SHROOM3: variants seen among roughly 807,000 people sequenced by gnomAD.
SHROOM3 encodes the protein shroom family member 3.
SHROOM3 carries 47 observed loss-of-function variants against 138.6 expected under a neutral mutation model. That is an observed-to-expected ratio of 0.34 (90% CI 0.27 to 0.43). SHROOM3 has a LOEUF of 0.43. Ranked by LOEUF, SHROOM3 falls within the 20% of genes least tolerant of loss-of-function variation. SHROOM3 has a pLI of 1.00. For synonymous variants in SHROOM3, 1,062 were observed against 1,063.3 expected, an observed-to-expected ratio of 1.00 and a Z score of 0.02; for missense variants, 2,491 against 2,596.5, an observed-to-expected ratio of 0.96 and a Z score of 0.88.
At chr4:76,517,530 T>C (rs1732468104) in intron 1 of SHROOM3, among the ~76,000 whole-genome samples, 1 of 152,092 alleles carries the variant, frequency 6.6e-6, no homozygotes, top group Non-Finnish European at 1.5e-5. Flanking sequence ...ATGTGCTAGA[T>C]AGGTAAGATT....
intron 2 of SHROOM3, among the ~76,000 whole-genome samples, chr4:76,693,378 T>TTTTTTTTTTTG (rs1719620669): frequency 1.5e-5 from 2 of 132,150 alleles, no homozygotes; most frequent in Non-Finnish European, 3.1e-5. Context: ...TTGTTTTTTT[T>TTTTTTTTTTTG]TTTTTTTTTT....
At chr4:76,512,044 C>A (rs1194217016) in intron 1 of SHROOM3, among the ~76,000 whole-genome samples, 1 of 152,118 alleles carries the variant, frequency 6.6e-6, no homozygotes, top group Non-Finnish European at 1.5e-5. Flanking sequence ...GGCCTGAGGC[C>A]TAAATAGAAA....
chr4:76,518,190 C>T (rs1732482194), intron 1 of SHROOM3, among the ~76,000 whole-genome samples: 1 of 152,020 alleles, frequency 6.6e-6, no homozygotes, highest in South Asian at 2.1e-4. Context: ...ATCAAATTAT[C>T]TCAACTTCTG....
At chr4:76,500,608 C>T (rs35220012) in intron 1 of SHROOM3, among the ~76,000 whole-genome samples, 27,312 of 151,908 alleles carry the variant, frequency 0.18, 2,872 homozygotes, top group African/African-American at 0.28. Context: ...CCCCCTTTTG[C>T]CAACTCTTGG....
At chr4:76,561,825 C>T (rs1255043901) in intron 2 of SHROOM3, among the ~76,000 whole-genome samples, 3 of 151,944 alleles carry the variant, frequency 2.0e-5, no homozygotes, top group East Asian at 3.9e-4. Context: ...GCCTGGCTAA[C>T]ATGGTGAAAC....
At chr4:76,499,940 A>G (rs1732055241) in intron 1 of SHROOM3, among the ~76,000 whole-genome samples, 1 of 152,156 alleles carries the variant, frequency 6.6e-6, no homozygotes, top group Non-Finnish European at 1.5e-5. Context: ...TACGGAATTC[A>G]CTCATGTATT....
intron 2 of SHROOM3, among the ~76,000 whole-genome samples, chr4:76,593,468 A>T (rs1734317918): frequency 6.6e-6 from 1 of 152,216 alleles, no homozygotes; most frequent in African/African-American, 2.4e-5. Context: ...AAGAATGATA[A>T]AACCACCCAC....
At position 76,754,631 on chromosome 4, in the gene SHROOM3, C is replaced by G; in HGVS notation, c.4148C>G (p.Pro1383Arg). 1 of 1,614,204 alleles carries G rather than the reference C, an allele frequency of 6.2e-7. No homozygotes were observed. The change falls in exon 7 of 11, where the codon CCT becomes CGT. Residue 1383 changes from proline to arginine, a missense_variant. Physicochemically the swap from Pro to Arg is moderately radical, Grantham distance 103. Coordinates refer to ENST00000296043, the MANE Select transcript of SHROOM3 (RefSeq NM_020859.4). ...TGRQPLPPYT[P>R]AMMHRSNGHT... ...CGACAGCCTCTCCCGCCCTACACCC[C>G]TGCCATGATGCACAGAAGCAATGGT...
chr4:76,592,248 C>T lies in SHROOM3; in HGVS notation c.323+36485C>T, dbSNP rs62300918. Among the ~76,000 whole-genome samples, 1,428 of 152,006 alleles carry T rather than the reference C, an allele frequency of 9.4e-3. 7 individuals are homozygous for T. The highest frequency in any genetic ancestry group is 0.015 in the Non-Finnish European group (1,022 of 67,932). On this transcript the variant is annotated intron_variant, in intron 2 of 10. Coordinates refer to ENST00000296043, the MANE Select transcript of SHROOM3 (RefSeq NM_020859.4). ...CCAGTGTGGGTGGAGCAGAATGTGG[C>T]GGGGCAGAGAGACAGTGGGTCACTG...
At chr4:76,523,627 G>T (rs1387708876) in intron 1 of SHROOM3, among the ~76,000 whole-genome samples, 2 of 152,224 alleles carry the variant, frequency 1.3e-5, no homozygotes, top group Non-Finnish European at 2.9e-5. Context: ...TTCAGGCTAT[G>T]TCGAAGTTAT....
intron 2 of SHROOM3, among the ~76,000 whole-genome samples, chr4:76,569,056 T>C (rs1028478707): frequency 6.6e-6 from 1 of 152,212 alleles, no homozygotes; most frequent in African/African-American, 2.4e-5. Context: ...CAACCATAGT[T>C]ATTGAGCAGG....
rs560783618 is a variant in SHROOM3 at position 76,763,567 on chromosome 4, A to G, written c.5349+3872A>G. ...GTGACAGAGTGAGACCCTGTCTCAA[A>G]AAAGAAAAAAAAATTACCAAATTTA... is the stretch of plus-strand genomic sequence containing the variant. On this transcript the variant is annotated intron_variant, in intron 9 of 10. Coordinates refer to ENST00000296043, the MANE Select transcript of SHROOM3 (RefSeq NM_020859.4). Among the ~76,000 whole-genome samples the G allele has an allele frequency of 9.2e-5, 14 of 152,200 alleles. No individual in the cohort carries two copies. In the South Asian group the frequency reaches 2.9e-3, roughly 32 times the overall value.
chr4:76,739,349 C>T lies in SHROOM3; in HGVS notation c.1176C>T (p.Tyr392=), dbSNP rs761601802. 1.9e-5 allele frequency: 30 copies of T among 1,613,986 alleles called. No individual in the cohort carries two copies. The East Asian group carries it at 3.3e-4, about 18-fold the overall frequency. Residue 392 remains tyrosine (Y), a synonymous_variant, in exon 5 of 11, where the codon TAC becomes TAT. Transcript: ENST00000296043. Reference sequence around the variant, plus strand: ...TGCCTCCAGCTCGGAGTGACAGTTACGCAGCATTTCGGCACCGTGAGCGGC... The same window carrying T: ...TGCCTCCAGCTCGGAGTGACAGTTATGCAGCATTTCGGCACCGTGAGCGGC... ...APLPPARSDS[Y]AAFRHRERPS...
chr4:76,773,377 A>G (rs1325520119), intron 10 of SHROOM3, among the ~76,000 whole-genome samples: 2 of 151,766 alleles, frequency 1.3e-5, no homozygotes, highest in African/African-American at 4.8e-5. Context: ...GTCTCAGAAA[A>G]AAAAAAAAAA....
At chr4:76,577,925 G>T (rs1178988840) in intron 2 of SHROOM3, among the ~76,000 whole-genome samples, 1 of 152,138 alleles carries the variant, frequency 6.6e-6, no homozygotes, top group Non-Finnish European at 1.5e-5. Flanking sequence ...GTTAATAAAA[G>T]ATAGTGATAT....
intron 1 of SHROOM3, among the ~76,000 whole-genome samples, chr4:76,543,113 C>A (rs1198540116): frequency 6.6e-6 from 1 of 152,184 alleles, no homozygotes; most frequent in African/African-American, 2.4e-5. Context: ...TCTGTCTGGT[C>A]CTTCAAGGAG....
chr4:76,685,300 A>C (rs1425702713), intron 2 of SHROOM3, among the ~76,000 whole-genome samples: 1 of 152,154 alleles, frequency 6.6e-6, no homozygotes, highest in Non-Finnish European at 1.5e-5. Flanking sequence ...CCTGGGACAC[A>C]CTGGAAGAAG....
intron 2 of SHROOM3, among the ~76,000 whole-genome samples, chr4:76,574,792 A>T (rs1733905140): frequency 6.6e-6 from 1 of 152,218 alleles, no homozygotes; most frequent in Non-Finnish European, 1.5e-5. Flanking sequence ...TACACAAAAA[A>T]TGTAGAATGG....
At chr4:76,596,116 G>T (rs978913976) in intron 2 of SHROOM3, among the ~76,000 whole-genome samples, 5 of 152,106 alleles carry the variant, frequency 3.3e-5, no homozygotes, top group Non-Finnish European at 7.4e-5. Flanking sequence ...GTCAATGATG[G>T]ACCCCATGCA....
Sources: gnomAD v4.1 joint callset for allele counts (sites outside exome capture counted in the v4.1 genomes callset) on GRCh38, gnomAD v4.1.1 for gene constraint, MANE v1.5 for transcripts, NCBI Gene and HGNC (gene_info 2026-07-23, HGNC 2026-07-21) for gene names.